The following ANKRD16 variants were observed in gnomAD, a reference collection of about 807,000 sequenced individuals.
ANKRD16 encodes ankyrin repeat domain-containing protein 16.
ANKRD16 carries 35 observed loss-of-function variants against 37.9 expected under a neutral mutation model. That is an observed-to-expected ratio of 0.92 (90% confidence interval 0.71 to 1.23). ANKRD16 has a LOEUF of 1.23. Among genes scored for constraint, ANKRD16 ranks in the 50% most tolerant of loss-of-function variants. The pLI is 0.00. For missense variants in ANKRD16, 480 were observed against 469.9 expected (o/e 1.02, Z -0.20); for synonymous variants, 206 against 197.2 (o/e 1.04, Z -0.37).
rs943102781 is a variant in ANKRD16 at position 5,889,865 on chromosome 10, T to A, written c.-511A>T. 6.3e-6 allele frequency: 1 copy of A among 158,892 alleles called. No individual in the cohort carries two copies. The highest frequency in any genetic ancestry group is 2.4e-5 in the African/African-American group (1 of 41,736). The allele number at this position is 158,892 out of a possible 1,614,324, so 9.8% of individuals were successfully genotyped here. ...GAGGCAGCCAGGCCCAAGCGTGACCTGCCCCGCACGCGTCCTCAGGGCCGC... is the reference window on the plus strand; with the variant it reads ...GAGGCAGCCAGGCCCAAGCGTGACCAGCCCCGCACGCGTCCTCAGGGCCGC... On this transcript the variant is annotated 5_prime_UTR_variant, in exon 1 of 8. Coordinates refer to ENST00000380094, the MANE Select transcript of ANKRD16 (RefSeq NM_019046.3).
rs190408715 is a variant in ANKRD16, at chr10:5,872,798, T to C, written c.*33+5299A>G. Among the ~76,000 whole-genome samples, 1,176 of 151,952 alleles carry C rather than the reference T, an allele frequency of 7.7e-3. 10 individuals carry two copies. Among genetic ancestry groups the C allele is most frequent in the Non-Finnish European group, 0.013 (853 of 67,956 alleles). ...GTCTTAATTTCCTGACCTCGTGATCTGCCCCCCTTGGCCTCCCAAAGTGCT... is the reference window on the plus strand; with the variant it reads ...GTCTTAATTTCCTGACCTCGTGATCCGCCCCCCTTGGCCTCCCAAAGTGCT... On this transcript the variant is annotated intron_variant, in intron 7 of 7. Coordinates refer to ENST00000380094, the MANE Select transcript of ANKRD16 (RefSeq NM_019046.3).
chr10:5,882,691 G>C (rs1842336141), intron 5 of ANKRD16: 2 of 189,728 alleles, frequency 1.1e-5, no homozygotes, highest in African/African-American at 4.7e-5. Context: ...TATAAGAACA[G>C]AGAGCCAGGA....
At chr10:5,885,892 G>T (rs554109715) in intron 2 of ANKRD16, 127 bp from the exon 3 acceptor site, 1 of 875,332 alleles carries the variant, frequency 1.1e-6, no homozygotes. Context: ...CATTAAATTG[G>T]GTACACTGTT....
Position 5,884,007 on chromosome 10 carries a change from G to T in ANKRD16, c.649C>A (p.His217Asn). The T allele has an allele frequency of 6.2e-7, 1 of 1,614,118 alleles. No individual in the cohort carries two copies. The highest frequency in any genetic ancestry group is 1.1e-5 in the South Asian group (1 of 91,050). The change falls in exon 4 of 8, where the codon CAC (histidine) becomes AAC (asparagine). Residue 217 changes from histidine (H) to asparagine (N), a missense_variant. By Grantham distance (68) the His-to-Asn change is moderately conservative (BLOSUM62 1). Coordinates refer to ENST00000380094, the MANE Select transcript of ANKRD16 (RefSeq NM_019046.3). ...AGGAGCAGCCTAGCGACGTCGATGT[G>T]CCCACACTGGATTGCGTCCATCAAG... is the stretch of plus-strand genomic sequence containing the variant. ...TALMDAIQCG[H>N]IDVARLLLDE...
rs369628923 is a variant in ANKRD16, at chr10:5,871,335, C to T, written c.*33+6762G>A. Among the ~76,000 whole-genome samples, 2 of 151,822 alleles carry T rather than the reference C, an allele frequency of 1.3e-5. No homozygotes were observed. The highest frequency in any genetic ancestry group is 2.9e-5 in the Non-Finnish European group (2 of 67,976). On this transcript the variant is annotated intron_variant, in intron 7 of 7. Transcript: ENST00000380094. This position sits in a 1 kb window ranked among gnomAD's most constrained non-coding sequence, Gnocchi z 4.5. The stretch of plus-strand genomic sequence containing the variant: ...CCGGGAGGCAGAGGTTGCTGTGAGC[C>T]GAGATTGAGCCATTGCACTCTAGCC...
rs1170180721 is a variant in ANKRD16 at position 5,889,538 on chromosome 10, C to A, written c.-184G>T. On this transcript the variant is annotated 5_prime_UTR_variant, in exon 1 of 8. Coordinates refer to ENST00000380094, the MANE Select transcript of ANKRD16 (RefSeq NM_019046.3). ...TCCCCGGCAGAGCCGCCTCCTCAAA[C>A]CCCCGGCCTAGTCCGCAGGCGGGCT... 9.6e-6 allele frequency: 3 copies of A among 313,346 alleles called. No individual in the cohort carries two copies. Among genetic ancestry groups the A allele is most frequent in the Admixed American group, 5.4e-5 (1 of 18,482 alleles). The allele number at this position is 313,346 out of a possible 1,614,324, so 19.4% of individuals were successfully genotyped here.
At position 5,878,071 on chromosome 10, in the gene ANKRD16, GACTT is replaced by G; in HGVS notation, c.*33+22_*33+25del. 6.4e-7 allele frequency: 1 copy of G among 1,564,750 alleles called. No individual in the cohort carries two copies. The highest frequency in any genetic ancestry group is 8.7e-7 in the Non-Finnish European group (1 of 1,154,106). ...AACTGGTTTCGCTGAATCTGTGACT[GACTT>G]AAGAAGCAGGATATGAATTACCATG... On this transcript the variant is annotated intron_variant, in intron 7 of 7. Coordinates refer to ENST00000380094, the MANE Select transcript of ANKRD16 (RefSeq NM_019046.3). The surrounding 1 kb of genome is among the most constrained non-coding windows in gnomAD (Gnocchi z 5.1).
intron 2 of ANKRD16, among the ~76,000 whole-genome samples, chr10:5,885,966 A>G (rs1056643178): frequency 2.0e-5 from 3 of 152,246 alleles, no homozygotes; most frequent in Non-Finnish European, 4.4e-5. Flanking sequence ...TTCACTTTAT[A>G]TGTACACAGC....
Position 5,884,082 on chromosome 10 carries a change from A to G in ANKRD16, c.579-5T>C, listed in dbSNP as rs1842371102. ...TAGTCTGGTTCATATTGGCACCTAG[A>G]GCCAAAACCCCAAGTAAGAGCTGAG... On this transcript the variant is annotated splice_region_variant and splice_polypyrimidine_tract_variant and intron_variant, in intron 3 of 7. Transcript: ENST00000380094. 1 of 1,612,218 alleles carries G rather than the reference A, an allele frequency of 6.2e-7. No individual in the cohort carries two copies.
In ANKRD16 at chr10:5,866,647, T is replaced by C. The variant is rs529239593; in HGVS notation, c.*34-3956A>G. The stretch of plus-strand genomic sequence containing the variant: ...GAAATCATGGAGTTATTGCACGCAG[T>C]GCAAAAACCCAAGGAGGTGGCAGTC... On this transcript the variant is annotated intron_variant, in intron 7 of 7. Coordinates refer to ENST00000380094, the MANE Select transcript of ANKRD16 (RefSeq NM_019046.3). This position sits in a 1 kb window ranked among gnomAD's most constrained non-coding sequence, Gnocchi z 4.3. 1.3e-5 allele frequency among the ~76,000 whole-genome samples: 2 copies of C among 152,268 alleles called. No homozygotes were observed. Among genetic ancestry groups the C allele is most frequent in the South Asian group, 4.1e-4 (2 of 4,824 alleles).
chr10:5,885,462 G>A (rs1030183742), intron 3 of ANKRD16, among the ~76,000 whole-genome samples: 1 of 152,050 alleles, frequency 6.6e-6, no homozygotes, highest in Non-Finnish European at 1.5e-5. Context: ...GATTACAGGC[G>A]TGAGCCACCG....
In ANKRD16 at chr10:5,865,266, C is replaced by T. The variant is rs1274294368; in HGVS notation, c.*34-2575G>A. Among the ~76,000 whole-genome samples the T allele has an allele frequency of 2.0e-5, 3 of 152,178 alleles. No individual in the cohort carries two copies. The highest frequency in any genetic ancestry group is 4.4e-5 in the Non-Finnish European group (3 of 68,036). ...AACAAGAAACAAGCTGCCCCCTCGC[C>T]CATGTCCACTATGCCGAGGCAATCA... On this transcript the variant is annotated intron_variant, in intron 7 of 7. Coordinates refer to ENST00000380094, the MANE Select transcript of ANKRD16 (RefSeq NM_019046.3). This position sits in a 1 kb window ranked among gnomAD's most constrained non-coding sequence, Gnocchi z 4.7.
In ANKRD16 at chr10:5,889,254, C is replaced by A; in HGVS notation, c.101G>T (p.Gly34Val). Residue 34 changes from glycine to valine, a missense_variant, in exon 1 of 8, where the codon GGG (glycine) becomes GTG (valine). Transcript: ENST00000380094. ...GTGCAGGAGGGTATCCCCGGCCGGC[C>A]CCGGGCAGCCCCCGGCCGCCTGCAG... ...EELQAAGGCP[G>V]PAGDTLLHCA... 3 of 1,505,906 alleles carry A rather than the reference C, an allele frequency of 2.0e-6. No homozygotes were observed. The highest frequency in any genetic ancestry group is 1.8e-6 in the Non-Finnish European group (2 of 1,136,248). The allele number at this position is 1,505,906 out of a possible 1,614,324, so 93.3% of individuals were successfully genotyped here. A position where few individuals can be genotyped will look rare whatever the true frequency, so the allele number is the denominator to read the frequency against.
Position 5,862,613 on chromosome 10 carries a change from A to C in ANKRD16, c.*112T>G, listed in dbSNP as rs772918655. 1.1e-5 allele frequency: 14 copies of C among 1,289,244 alleles called. No homozygotes were observed. The South Asian group carries it at 1.7e-4, about 16-fold the overall frequency. The allele number at this position is 1,289,244 out of a possible 1,614,324, so 79.9% of individuals were successfully genotyped here. ...TAGGTGGCTGCGGTTGGTTGAACTC[A>C]GGTTCAGGATGACTGAAGCAAGTTG... is the stretch of plus-strand genomic sequence containing the variant. On this transcript the variant is annotated 3_prime_UTR_variant, in exon 8 of 8. Coordinates refer to ENST00000380094, the MANE Select transcript of ANKRD16 (RefSeq NM_019046.3). The surrounding 1 kb of genome is among the most constrained non-coding windows in gnomAD (Gnocchi z 6.5).
chr10:5,888,899 G>C, intron 1 of ANKRD16, 142 bp downstream of exon 1: 2 of 865,588 alleles, frequency 2.3e-6, no homozygotes, highest in South Asian at 2.3e-5. Context: ...TTGGGCAGGA[G>C]GTCCCTGCCG....
At position 5,878,173 on chromosome 10, in the gene ANKRD16, C is replaced by G; in HGVS notation, c.1043G>C (p.Arg348Thr). The G allele has an allele frequency of 6.2e-7, 1 of 1,614,186 alleles. No individual in the cohort carries two copies. The highest frequency in any genetic ancestry group is 8.5e-7 in the Non-Finnish European group (1 of 1,180,032). ...TGTLAQQLPR[R>T]ADVLQGSGHS... ...GCCAGAGCCCTGAAGGACATCTGCT[C>G]TCCTTGGGAGCTGCTGAGCCAGGGT... The change falls in exon 7 of 8, where the codon AGA becomes ACA. Residue 348 changes from arginine (R) to threonine (T), a missense_variant. Arg to Thr is a moderately conservative substitution (Grantham distance 71, BLOSUM62 -1). Transcript: ENST00000380094. This position sits in a 1 kb window ranked among gnomAD's most constrained non-coding sequence, Gnocchi z 5.1.
Position 5,887,875 on chromosome 10 carries a change from T to C in ANKRD16, c.507A>G (p.Lys169=). 1 of 1,613,948 alleles carries C rather than the reference T, an allele frequency of 6.2e-7. No individual in the cohort carries two copies. Among genetic ancestry groups the C allele is most frequent in the Non-Finnish European group, 8.5e-7 (1 of 1,179,952 alleles). ...CAGTATGCAGAGGAGTCCTTCTAAT[T>C]TTGCTCTCTGTCTTCCAGGCACCTG... ...VCPGAWKTES[K]IRRTPLHTAA... is the part of the protein sequence containing the mutation. The change falls in exon 2 of 8, where the codon AAA becomes AAG. Residue 169 remains lysine (K), a synonymous_variant. Transcript: ENST00000380094.
intron 7 of ANKRD16, among the ~76,000 whole-genome samples, chr10:5,872,332 A>G (rs1842103421): frequency 6.6e-6 from 1 of 151,826 alleles, no homozygotes; most frequent in Admixed American, 6.6e-5. Flanking sequence ...TACAAAAATT[A>G]GCCAGGCATG....
rs1341368616 is a variant in ANKRD16, at chr10:5,866,921, AG to A, written c.*34-4231del. Among the ~76,000 whole-genome samples the A allele has an allele frequency of 2.0e-5, 3 of 152,176 alleles. No individual in the cohort carries two copies. The highest frequency in any genetic ancestry group is 4.4e-5 in the Non-Finnish European group (3 of 68,028). On this transcript the variant is annotated intron_variant, in intron 7 of 7. Transcript: ENST00000380094. The surrounding 1 kb of genome is among the most constrained non-coding windows in gnomAD (Gnocchi z 4.3). ...AAAGAAGAGTCAGAGAGAGAGAAAC[AG>A]AAAGTCAAAGAAAGAGAGGGAGAGA...
Sources: gnomAD v4.1 joint callset for allele counts (sites outside exome capture counted in the v4.1 genomes callset) on GRCh38, gnomAD v4.1.1 for gene constraint, Gnocchi (gnomAD v3.1) non-coding constraint, MANE v1.5 for transcripts, NCBI Gene and HGNC (gene_info 2026-07-23, HGNC 2026-07-21) for gene names.